The following ATXN1 variants were observed in gnomAD, a reference collection of about 807,000 sequenced individuals.
ATXN1 encodes the protein ataxin-1.
Under a neutral mutation model 56.4 loss-of-function variants are expected in ATXN1, and 8 were observed. The ratio of observed to expected loss-of-function variants is 0.14; its 90% confidence interval spans 0.08 to 0.26. ATXN1 has a LOEUF of 0.26. ATXN1 is among the 10% of genes least tolerant of loss of function. The pLI is 1.00. For synonymous variants in ATXN1, 514 were observed against 494.6 expected, an observed-to-expected ratio of 1.04 and a Z score of -0.52; for missense variants, 987 against 1,106.5, an observed-to-expected ratio of 0.89 and a Z score of 1.53.
chr6:16,640,464 AC>A (rs1763687729), intron 3 of ATXN1, among the ~76,000 whole-genome samples: 1 of 152,152 alleles, frequency 6.6e-6, no homozygotes, highest in Non-Finnish European at 1.5e-5. Context: ...TGGGCAGATC[AC>A]GAGTTCAGGA....
intron 5 of ATXN1, among the ~76,000 whole-genome samples, chr6:16,515,374 C>A (rs1028181166): frequency 6.6e-5 from 10 of 152,108 alleles, no homozygotes; most frequent in African/African-American, 2.4e-4. Context: ...GACCCCTCCC[C>A]ACAGCACTGC....
chr6:16,403,410 G>C (rs889317655), intron 6 of ATXN1, among the ~76,000 whole-genome samples: 1 of 152,180 alleles, frequency 6.6e-6, no homozygotes, highest in African/African-American at 2.4e-5. Flanking sequence ...GAGTGCAGTG[G>C]TGTAATCTCA....
intron 6 of ATXN1, among the ~76,000 whole-genome samples, chr6:16,378,569 A>ATTTC: frequency 6.6e-6 from 1 of 151,382 alleles, no homozygotes; most frequent in South Asian, 2.1e-4. Flanking sequence ...TTATTTATTT[A>ATTTC]TTTATTTAGA....
At chr6:16,417,441 A>ATTTTTTTT (rs1188606545) in intron 6 of ATXN1, among the ~76,000 whole-genome samples, 14 of 136,480 alleles carry the variant, frequency 1.0e-4, no homozygotes, top group South Asian at 2.7e-4. Flanking sequence ...CAAGTTTCTT[A>ATTTTTTTT]TTTTTTTTTT....
intron 5 of ATXN1, among the ~76,000 whole-genome samples, chr6:16,498,088 T>C (rs1760812854): frequency 6.6e-6 from 1 of 152,170 alleles, no homozygotes; most frequent in African/African-American, 2.4e-5. Context: ...CCATCATCAC[T>C]ATCTAATTCC....
intron 3 of ATXN1, among the ~76,000 whole-genome samples, chr6:16,613,456 G>A (rs1430693615): frequency 6.6e-6 from 1 of 151,732 alleles, no homozygotes; most frequent in Non-Finnish European, 1.5e-5. Context: ...AAAATAAGAA[G>A]TGGAATAAAT....
Position 16,457,647 on chromosome 6 carries a change from G to C in ATXN1, c.-161+28325C>G, listed in dbSNP as rs550499074. ...TTTTCTGTAAGAGGGAAGGGAAATGGAGTGAAATACCTTATGTCCAAGCTT... is the reference window on the plus strand; with the variant it reads ...TTTTCTGTAAGAGGGAAGGGAAATGCAGTGAAATACCTTATGTCCAAGCTT... On this transcript the variant is annotated intron_variant, in intron 6 of 7. Transcript: ENST00000436367. 2.0e-5 allele frequency among the ~76,000 whole-genome samples: 3 copies of C among 152,258 alleles called. No homozygotes were observed. The South Asian group carries it at 6.2e-4, about 32-fold the overall frequency.
At chr6:16,489,117 T>C (rs892572859) in intron 5 of ATXN1, among the ~76,000 whole-genome samples, 7 of 152,180 alleles carry the variant, frequency 4.6e-5, no homozygotes, top group African/African-American at 1.7e-4. Context: ...CTTTTTATAC[T>C]CCACTGGATT....
At chr6:16,315,906 C>G (rs1760496942) in intron 7 of ATXN1, among the ~76,000 whole-genome samples, 1 of 152,124 alleles carries the variant, frequency 6.6e-6, no homozygotes, top group South Asian at 2.1e-4. Context: ...GGTTTCAAAA[C>G]TCCTGGCCTC....
chr6:16,412,302 C>A (rs183150958), intron 6 of ATXN1, among the ~76,000 whole-genome samples: 18 of 152,272 alleles, frequency 1.2e-4, no homozygotes, highest in African/African-American at 3.4e-4. Flanking sequence ...AAGTGAGAGA[C>A]TATTAAGATT....
chr6:16,567,263 A>T (rs919805900), intron 4 of ATXN1, among the ~76,000 whole-genome samples: 3 of 152,244 alleles, frequency 2.0e-5, no homozygotes, highest in African/African-American at 7.2e-5. Flanking sequence ...TTTTGACAGT[A>T]GAGAAAAACC....
intron 6 of ATXN1, among the ~76,000 whole-genome samples, chr6:16,379,225 A>G (rs1192568983): frequency 6.6e-6 from 1 of 152,190 alleles, no homozygotes; most frequent in East Asian, 1.9e-4. Flanking sequence ...ATGCAAAGGC[A>G]TAAGAATGAT....
chr6:16,367,332 T>C (rs1280815459), intron 6 of ATXN1, among the ~76,000 whole-genome samples: 1 of 78,056 alleles, frequency 1.3e-5, no homozygotes, highest in African/African-American at 4.2e-5. Flanking sequence ...CAAGATTCTG[T>C]TTCTCTCTCT....
rs1760242558 is a variant in ATXN1 at position 16,306,168 on chromosome 6, G to C, written c.*161C>G. 2.2e-6 allele frequency: 2 copies of C among 909,790 alleles called. No homozygotes were observed. Among genetic ancestry groups the C allele is most frequent in the Admixed American group, 2.6e-5 (1 of 38,948 alleles). The allele number at this position is 909,790 out of a possible 1,614,324, so 56.4% of individuals were successfully genotyped here. A position where few individuals can be genotyped will look rare whatever the true frequency, so the allele number is the denominator to read the frequency against. On this transcript the variant is annotated 3_prime_UTR_variant, in exon 8 of 8. Transcript: ENST00000436367. The surrounding 1 kb of genome is among the most constrained non-coding windows in gnomAD (Gnocchi z 5.2). ...ACTCGTGGAAAAAGCATATGCACCA[G>C]TCTCCTGCGACACACCTGCTGTAAC...
chr6:16,702,613 T>C (rs1759310708), intron 2 of ATXN1, among the ~76,000 whole-genome samples: 1 of 152,086 alleles, frequency 6.6e-6, no homozygotes, highest in Admixed American at 6.5e-5. Context: ...ATCCAGAATC[T>C]ACAAAGAACT....
At chr6:16,460,402 A>T (rs559300745) in intron 6 of ATXN1, among the ~76,000 whole-genome samples, 2 of 152,206 alleles carry the variant, frequency 1.3e-5, no homozygotes, top group Non-Finnish European at 2.9e-5. Flanking sequence ...GTTTACGGGT[A>T]GTTGTGGCAG....
intron 3 of ATXN1, among the ~76,000 whole-genome samples, chr6:16,654,978 A>C (rs1018247567): frequency 4.6e-5 from 7 of 152,214 alleles, no homozygotes; most frequent in Non-Finnish European, 7.3e-5. Flanking sequence ...GAAGGCAGAA[A>C]GCCAGCTGCT....
At chr6:16,427,624 C>T (rs1308801251) in intron 6 of ATXN1, among the ~76,000 whole-genome samples, 4 of 152,172 alleles carry the variant, frequency 2.6e-5, no homozygotes, top group African/African-American at 9.7e-5. Flanking sequence ...TTGAGCAGAA[C>T]ATCAAGGGTT....
intron 6 of ATXN1, among the ~76,000 whole-genome samples, chr6:16,366,132 G>A (rs1761914051): frequency 6.6e-6 from 1 of 152,044 alleles, no homozygotes; most frequent in South Asian, 2.1e-4. Flanking sequence ...TTACCTATGA[G>A]GCTTTGGTGA....
Sources: allele counts gnomAD v4.1 joint callset (sites outside exome capture counted in the v4.1 genomes callset), GRCh38; gene constraint gnomAD v4.1.1; non-coding constraint Gnocchi (gnomAD v3.1); transcripts MANE v1.5; gene names NCBI Gene and HGNC (gene_info 2026-07-23, HGNC 2026-07-21).